ALDOA: variants seen among roughly 807,000 people sequenced by gnomAD.
ALDOA encodes the protein aldolase, fructose-bisphosphate A.
ALDOA carries 26 observed loss-of-function variants against 43.9 expected under a neutral mutation model. The ratio of observed to expected loss-of-function variants is 0.59; its 90% CI spans 0.43 to 0.82. ALDOA has a LOEUF of 0.82. Ranked by LOEUF, ALDOA falls within the 40% of genes least tolerant of loss-of-function variation. ALDOA has a pLI of 0.00. For missense variants in ALDOA, 498 were observed against 549.5 expected (o/e 0.91, Z 0.94); for synonymous variants, 258 against 222.6 (o/e 1.16, Z -1.42).
intron 4 of ALDOA, 106 bp downstream of exon 4, chr16:30,067,767 C>T (rs1567323534): frequency 6.0e-6 from 8 of 1,326,070 alleles, no homozygotes; most frequent in Non-Finnish European, 7.6e-6. Flanking sequence ...TAGAGACTTG[C>T]ATGGAGCCTG....
rs1253115492 is a variant in ALDOA, at chr16:30,068,897, G to T, written c.621G>T (p.Lys207Asn). The T allele has an allele frequency of 1.2e-6, 2 of 1,614,244 alleles. No individual in the cohort carries two copies. Among genetic ancestry groups the T allele is most frequent in the Non-Finnish European group, 1.7e-6 (2 of 1,180,050 alleles). Residue 207 changes from lysine (K) to asparagine (N), a missense_variant, in exon 6 of 10, where the codon AAG (lysine) becomes AAT (asparagine). Lys to Asn is a moderately conservative substitution (Grantham distance 94). Coordinates refer to ENST00000642816, the MANE Select transcript of ALDOA (RefSeq NM_001243177.4). ...ADFAKWRCVLKIGEHTPSALA... is the reference protein window; with the variant it reads ...ADFAKWRCVLNIGEHTPSALA... ...TCGCCAAGTGGCGTTGTGTGCTGAA[G>T]ATTGGGGAACACACCCCCTCAGCCC...
upstream of ALDOA, chr16:30,064,693 G>A: frequency 2.6e-6 from 1 of 384,458 alleles, no homozygotes; most frequent in Non-Finnish European, 4.6e-6. Context: ...GACACATGTG[G>A]GGCGGGCAGG....
upstream of ALDOA, chr16:30,065,615 G>A (rs1402658090): frequency 6.6e-6 from 1 of 152,282 alleles, no homozygotes; most frequent in East Asian, 1.9e-4. Context: ...CCCCTTCCTA[G>A]CGCGGCCTCT....
At position 30,070,400 on chromosome 16, in the gene ALDOA, G is replaced by A. The variant is rs2072286722; in HGVS notation, c.*188G>A. The A allele has an allele frequency of 4.8e-6, 3 of 626,774 alleles. No individual in the cohort carries two copies. The highest frequency in any genetic ancestry group is 3.6e-5 in the African/African-American group (2 of 55,024). The allele number at this position is 626,774 out of a possible 1,614,324, so 38.8% of individuals were successfully genotyped here. ...TTTCCGGCACACTGCCAAATAAACAGCTATTTAAGGGGGAGTCGGCCGTCC... is the reference window on the plus strand; with the variant it reads ...TTTCCGGCACACTGCCAAATAAACAACTATTTAAGGGGGAGTCGGCCGTCC... On this transcript the variant is annotated 3_prime_UTR_variant, in exon 10 of 10. Coordinates refer to ENST00000642816, the MANE Select transcript of ALDOA (RefSeq NM_001243177.4).
rs773634218 is a variant in ALDOA, at chr16:30,067,403, G to T, written c.274+37G>T. ...AGACAGAATGGGTGGAGGGTGCAGG[G>T]TTGGGAGTGGCAGGCTGATCCCCTA... is the stretch of plus-strand genomic sequence containing the variant. On this transcript the variant is annotated intron_variant, in intron 3 of 9. Transcript: ENST00000642816. 5 of 1,613,914 alleles carry T rather than the reference G, an allele frequency of 3.1e-6. No homozygotes were observed. The African/African-American group carries it at 6.7e-5, about 22-fold the overall frequency.
At chr16:30,066,833 T>C in intron 1 of ALDOA, 52 bp from the exon 2 acceptor site, 2 of 1,520,474 alleles carry the variant, frequency 1.3e-6, no homozygotes, top group Non-Finnish European at 1.8e-6. Flanking sequence ...GGCCCTCTGC[T>C]TGATTCACGA....
chr16:30,068,924 C>T lies in ALDOA; in HGVS notation c.648C>T (p.Leu216=), dbSNP rs112110009. 20 of 1,614,104 alleles carry T rather than the reference C, an allele frequency of 1.2e-5. No homozygotes were observed. The highest frequency in any genetic ancestry group is 2.2e-5 in the South Asian group (2 of 91,092). The change falls in exon 6 of 10, where the codon CTC becomes CTT. Residue 216 remains leucine, a synonymous_variant. Coordinates refer to ENST00000642816, the MANE Select transcript of ALDOA (RefSeq NM_001243177.4). ...LKIGEHTPSA[L]AIMENANVLA... ...TTGGGGAACACACCCCCTCAGCCCT[C>T]GCCATCATGGAAAATGCCAATGTTC... is the stretch of plus-strand genomic sequence containing the variant.
intron 1 of ALDOA, 68 bp from the exon 2 acceptor site, chr16:30,066,817 G>T (rs1423796230): frequency 3.4e-6 from 5 of 1,492,082 alleles, no homozygotes; most frequent in African/African-American, 2.8e-5. Flanking sequence ...TCCCACGAGG[G>T]TGTTGGGCCC....
chr16:30,065,986 G>T (rs1387770156), intron 1 of ALDOA, 59 bp downstream of exon 1: 1 of 153,076 alleles, frequency 6.5e-6, no homozygotes, highest in Non-Finnish European at 1.5e-5. Context: ...CTTGGGGGCA[G>T]TGGCGGGTTG....
chr16:30,066,872 GTT>G lies in ALDOA; in HGVS notation c.-13-10_-13-9del. On this transcript the variant is annotated splice_polypyrimidine_tract_variant and intron_variant, in intron 1 of 9. Transcript: ENST00000642816. ...TTACATTCTAAAATACTCCGGTTCG[GTT>G]TTGTTTTCAGGCAAGGTGACCCCAT... 1 of 1,546,518 alleles carries G rather than the reference GTT, an allele frequency of 6.5e-7. No homozygotes were observed. The highest frequency in any genetic ancestry group is 8.7e-7 in the Non-Finnish European group (1 of 1,144,746).
Position 30,067,034 on chromosome 16 carries a change from G to A in ALDOA, c.137G>A (p.Gly46Glu), listed in dbSNP as rs1482641654. ...AACACCCAGCACCAGACAGAGTTAGGAAAGGTACAGGGGCAGGCCTAGCAA... is the reference window on the plus strand; with the variant it reads ...AACACCCAGCACCAGACAGAGTTAGAAAAGGTACAGGGGCAGGCCTAGCAA... ...LGNTQHQTEL[G>E]KELATTSTMP... is the part of the protein sequence containing the mutation. Residue 46 changes from glycine to glutamate, a missense_variant, in exon 2 of 10, where the codon GGA becomes GAA. Physicochemically the swap from Gly to Glu is moderately conservative, Grantham distance 98 (BLOSUM62 -2). Transcript: ENST00000642816. 1.3e-6 allele frequency: 2 copies of A among 1,578,308 alleles called. No homozygotes were observed. Among genetic ancestry groups the A allele is most frequent in the South Asian group, 2.3e-5 (2 of 86,234 alleles).
Position 30,070,283 on chromosome 16 carries a change from C to T in ALDOA, c.*71C>T. 6.8e-7 allele frequency: 1 copy of T among 1,462,916 alleles called. No individual in the cohort carries two copies. The allele number at this position is 1,462,916 out of a possible 1,614,324, so 90.6% of individuals were successfully genotyped here. ...CTCCCACTCTTGAAGAGGAGGCCGC[C>T]TCCTCGGGGCTCCAGGCTGGCTTGC... On this transcript the variant is annotated 3_prime_UTR_variant, in exon 10 of 10. Transcript: ENST00000642816.
chr16:30,065,346 C>T (rs1262487146), upstream of ALDOA, among the ~76,000 whole-genome samples: 4 of 152,192 alleles, frequency 2.6e-5, no homozygotes, highest in Non-Finnish European at 5.9e-5. Flanking sequence ...CCGCGAAGAC[C>T]GGAAGCTGGG....
chr16:30,067,025 CAG>C lies in ALDOA; in HGVS notation c.131_132del (p.Glu44ValfsTer28), dbSNP rs762292824. The C allele has an allele frequency of 1.9e-6, 3 of 1,576,406 alleles. No individual in the cohort carries two copies. Among genetic ancestry groups the C allele is most frequent in the East Asian group, 2.3e-5 (1 of 42,614 alleles). On this transcript the variant is annotated frameshift_variant, in exon 2 of 10. Coordinates refer to ENST00000642816, the MANE Select transcript of ALDOA (RefSeq NM_001243177.4). LOFTEE classifies it high-confidence loss of function. ...CAGCTGGGCAACACCCAGCACCAGA[CAG>C]AGTTAGGAAAGGTACAGGGGCAGGC...
In ALDOA at chr16:30,069,181, C is replaced by G; in HGVS notation, c.703-125C>G. The G allele has an allele frequency of 3.7e-6, 5 of 1,362,816 alleles. No homozygotes were observed. The South Asian group carries it at 4.8e-5, about 13-fold the overall frequency. 84.4% of individuals were successfully genotyped at this position (1,362,816 alleles called of 1,614,324 possible). A position where few individuals can be genotyped will look rare whatever the true frequency, so the allele number is the denominator to read the frequency against. On this transcript the variant is annotated intron_variant, in intron 6 of 9. Coordinates refer to ENST00000642816, the MANE Select transcript of ALDOA (RefSeq NM_001243177.4). The stretch of plus-strand genomic sequence containing the variant: ...TGAGGCGGCTCTTGTCTCCTGTAAT[C>G]TGAGGGCTTTGAAGCCTGAGTCCCT...
chr16:30,067,467 C>T lies in ALDOA; in HGVS notation c.292C>T (p.Leu98=). ...DESTGSIAKR[L]QSIGTENTEE... The stretch of plus-strand genomic sequence containing the variant: ...ACTCCCAGGGAGCATTGCCAAGCGG[C>T]TGCAGTCCATTGGCACCGAGAACAC... The change falls in exon 4 of 10, where the codon CTG becomes TTG. Residue 98 remains leucine (L), a synonymous_variant. Coordinates refer to ENST00000642816, the MANE Select transcript of ALDOA (RefSeq NM_001243177.4). 6.2e-7 allele frequency: 1 copy of T among 1,613,356 alleles called. No individual in the cohort carries two copies. Among genetic ancestry groups the T allele is most frequent in the Middle Eastern group, 1.6e-4 (1 of 6,062 alleles).
chr16:30,067,686 A>T, intron 4 of ALDOA, 25 bp downstream of exon 4: 1 of 1,613,556 alleles, frequency 6.2e-7, no homozygotes, highest in Non-Finnish European at 8.5e-7. Flanking sequence ...TCCGGACGTG[A>T]GGTTTGAGAT....
rs1375622969 is a variant in ALDOA at position 30,069,594 on chromosome 16, C to A, written c.882C>A (p.Cys294Ter). 6.2e-7 allele frequency: 1 copy of A among 1,614,096 alleles called. No homozygotes were observed. Among genetic ancestry groups the A allele is most frequent in the Non-Finnish European group, 8.5e-7 (1 of 1,180,032 alleles). The change falls in exon 8 of 10, where the codon TGC becomes TGA. Residue 294 changes from cysteine to a stop codon, truncating the protein, a stop_gained. Coordinates refer to ENST00000642816, the MANE Select transcript of ALDOA (RefSeq NM_001243177.4). LOFTEE classifies it high-confidence loss of function. Reference sequence around the variant, plus strand: ...ACATGGTCACCCCAGGCCATGCTTGCACTCAGAAGTTTTCTCATGAGGAGA... The same window carrying A: ...ACATGGTCACCCCAGGCCATGCTTGAACTCAGAAGTTTTCTCATGAGGAGA... ...KPNMVTPGHA[C>*]TQKFSHEEIA...
In ALDOA at chr16:30,065,782, T is replaced by G. The variant is rs570432603; in HGVS notation, c.-159T>G. 1 of 152,652 alleles carries G rather than the reference T, an allele frequency of 6.6e-6. No homozygotes were observed. Among genetic ancestry groups the G allele is most frequent in the African/African-American group, 2.4e-5 (1 of 41,392 alleles). 9.5% of individuals were successfully genotyped at this position (152,652 alleles called of 1,614,324 possible). ...CCTGCCCGCCTCCTGCGCCGCCCCT[T>G]CCGAGGCTAAATCGGCTGCGTTCCT... On this transcript the variant is annotated 5_prime_UTR_variant, in exon 1 of 10. Coordinates refer to ENST00000642816, the MANE Select transcript of ALDOA (RefSeq NM_001243177.4).
Sources: allele counts gnomAD v4.1 joint callset (sites outside exome capture counted in the v4.1 genomes callset), GRCh38; gene constraint gnomAD v4.1.1; transcripts MANE v1.5; gene names NCBI Gene and HGNC (gene_info 2026-07-23, HGNC 2026-07-21).